Variants in ATP8A2 observed in about 807,000 individuals in gnomAD.
The protein encoded by ATP8A2 is ATPase phospholipid transporting 8A2.
In ATP8A2, 100 loss-of-function variants were observed where a neutral mutation model predicts 165.6. That is an observed-to-expected ratio of 0.60 (90% CI 0.51 to 0.71). The LOEUF is 0.71. ATP8A2 is among the 30% of genes least tolerant of loss of function. The pLI is 0.00. For synonymous variants in ATP8A2, 543 were observed against 548.8 expected, an observed-to-expected ratio of 0.99 and a Z score of 0.15; for missense variants, 1,227 against 1,479.5, an observed-to-expected ratio of 0.83 and a Z score of 2.80.
intron 1 of ATP8A2, among the ~76,000 whole-genome samples, chr13:25,401,702 G>T (rs1447904715): frequency 1.3e-5 from 2 of 152,112 alleles, no homozygotes; most frequent in Non-Finnish European, 2.9e-5. Context: ...GGAAACCTCG[G>T]ATGGTACCGA....
In ATP8A2 at chr13:25,508,587, A is replaced by T. The variant is rs1167324395; in HGVS notation, c.222-21412A>T. 3.3e-5 allele frequency among the ~76,000 whole-genome samples: 5 copies of T among 152,370 alleles called. No individual in the cohort carries two copies. In the East Asian group the frequency reaches 9.6e-4, roughly 29 times the overall value. On this transcript the variant is annotated intron_variant, in intron 2 of 36. Transcript: ENST00000381655. ...TGGCATAATGTCTCATACTTGTGGA[A>T]CTTTGGCAACCCTCTGATTATGTGT... is the stretch of plus-strand genomic sequence containing the variant.
At chr13:25,930,051 C>T (rs1432906028) in intron 33 of ATP8A2, among the ~76,000 whole-genome samples, 1 of 152,102 alleles carries the variant, frequency 6.6e-6, no homozygotes, top group Non-Finnish European at 1.5e-5. Flanking sequence ...CCTTGCACAA[C>T]GTGGGGCTTT....
chr13:25,635,984 G>A (rs1471070701), intron 24 of ATP8A2, among the ~76,000 whole-genome samples: 1 of 152,180 alleles, frequency 6.6e-6, no homozygotes, highest in Non-Finnish European at 1.5e-5. Flanking sequence ...TTCAAGTCCA[G>A]ATTTGCATGC....
At chr13:25,674,627 A>G (rs1176983222) in intron 24 of ATP8A2, among the ~76,000 whole-genome samples, 1 of 152,210 alleles carries the variant, frequency 6.6e-6, no homozygotes, top group Non-Finnish European at 1.5e-5. Flanking sequence ...AGAGCATAAA[A>G]TTCCCATCAG....
intron 24 of ATP8A2, among the ~76,000 whole-genome samples, chr13:25,673,249 C>T (rs895893734): frequency 4.6e-5 from 7 of 152,152 alleles, no homozygotes; most frequent in Non-Finnish European, 1.0e-4. Context: ...GTTCTGCAGA[C>T]ACTATAACAG....
At chr13:25,592,281 G>T (rs976061287) in intron 24 of ATP8A2, among the ~76,000 whole-genome samples, 5 of 150,122 alleles carry the variant, frequency 3.3e-5, no homozygotes, top group African/African-American at 1.3e-4. Flanking sequence ...AAGGTCCATG[G>T]TTAAAAACCT....
At chr13:25,373,990 C>A (rs1308203734) in intron 1 of ATP8A2, among the ~76,000 whole-genome samples, 1 of 152,120 alleles carries the variant, frequency 6.6e-6, no homozygotes, top group East Asian at 1.9e-4. Context: ...GAACAAGGGG[C>A]CCACCTTTTC....
chr13:25,660,019 T>C (rs1200783869), intron 24 of ATP8A2, among the ~76,000 whole-genome samples: 1 of 152,232 alleles, frequency 6.6e-6, no homozygotes, highest in African/African-American at 2.4e-5. Flanking sequence ...TTTCTATTAG[T>C]AATAGTACAC....
intron 1 of ATP8A2, among the ~76,000 whole-genome samples, chr13:25,422,527 A>G (rs2034330315): frequency 6.6e-6 from 1 of 152,230 alleles, no homozygotes; most frequent in Non-Finnish European, 1.5e-5. Context: ...TTAAAAAATT[A>G]CCAAAAGATA....
chr13:25,640,883 G>A (rs942651045), intron 24 of ATP8A2, among the ~76,000 whole-genome samples: 2 of 152,160 alleles, frequency 1.3e-5, no homozygotes, highest in Non-Finnish European at 2.9e-5. Flanking sequence ...AAATTTAGCA[G>A]CACCTGAAAA....
At chr13:25,530,434 T>C in intron 3 of ATP8A2, 128 bp from the exon 4 acceptor site, 1 of 664,030 alleles carries the variant, frequency 1.5e-6, no homozygotes, top group Non-Finnish European at 2.7e-6. Context: ...AGTAAGGTAA[T>C]TATTTTTGAG....
chr13:25,875,648 T>C (rs761752387), intron 33 of ATP8A2, among the ~76,000 whole-genome samples: 4 of 149,938 alleles, frequency 2.7e-5, no homozygotes, highest in Admixed American at 6.6e-5. Flanking sequence ...CCACAAACCA[T>C]ATATTTTTTT....
chr13:25,556,777 A>T (rs767970519), intron 13 of ATP8A2, among the ~76,000 whole-genome samples: 1 of 152,196 alleles, frequency 6.6e-6, no homozygotes, highest in Non-Finnish European at 1.5e-5. Flanking sequence ...GGAGTAACTT[A>T]TCGAAGGACA....
In ATP8A2 at chr13:25,533,180, TA is replaced by T. The variant is rs2038170629; in HGVS notation, c.467-90del. On this transcript the variant is annotated intron_variant, in intron 5 of 36. Coordinates refer to ENST00000381655, the MANE Select transcript of ATP8A2 (RefSeq NM_016529.6). Reference sequence around the variant, plus strand: ...TAAAGATAGGGTATGTTAGAATTAATAAATGGAATTCTAAAAGAAAGCTTTT... The same window carrying T: ...TAAAGATAGGGTATGTTAGAATTAATAATGGAATTCTAAAAGAAAGCTTTT... The T allele has an allele frequency of 4.2e-6, 3 of 722,026 alleles. No individual in the cohort carries two copies. In the East Asian group the frequency reaches 8.0e-5, roughly 19 times the overall value. 44.7% of individuals were successfully genotyped at this position (722,026 alleles called of 1,614,324 possible).
At chr13:25,385,396 C>T (rs1357388831) in intron 1 of ATP8A2, among the ~76,000 whole-genome samples, 1 of 152,152 alleles carries the variant, frequency 6.6e-6, no homozygotes, top group Non-Finnish European at 1.5e-5. Context: ...CTTTCCTCCT[C>T]TATAAAATGT....
At chr13:25,856,673 C>A (rs144839534) in intron 30 of ATP8A2, among the ~76,000 whole-genome samples, 1 of 152,222 alleles carries the variant, frequency 6.6e-6, no homozygotes, top group African/African-American at 2.4e-5. Context: ...GTTATGCAAC[C>A]ATCACCACTA....
At position 26,019,883 on chromosome 13, in the gene ATP8A2, T is replaced by G. The variant is rs1489621232; in HGVS notation, c.3470-5T>G. 1 of 1,610,370 alleles carries G rather than the reference T, an allele frequency of 6.2e-7. No homozygotes were observed. The highest frequency in any genetic ancestry group is 2.2e-5 in the East Asian group (1 of 44,864). ...ACCAGTTTCTCCTGTGTGCTTCACT[T>G]TCAGATGGGTATGCTTTTTCTCAAG... On this transcript the variant is annotated splice_polypyrimidine_tract_variant and splice_region_variant and intron_variant, in intron 36 of 36. Coordinates refer to ENST00000381655, the MANE Select transcript of ATP8A2 (RefSeq NM_016529.6).
intron 35 of ATP8A2, among the ~76,000 whole-genome samples, chr13:25,988,193 C>T (rs1398296885): frequency 6.6e-6 from 1 of 152,248 alleles, no homozygotes; most frequent in Non-Finnish European, 1.5e-5. Flanking sequence ...TCCAGCTGAG[C>T]ATGCATGCCA....
At chr13:25,600,194 A>C (rs1240001263) in intron 24 of ATP8A2, among the ~76,000 whole-genome samples, 1 of 152,230 alleles carries the variant, frequency 6.6e-6, no homozygotes, top group Non-Finnish European at 1.5e-5. Context: ...TTGAACACAG[A>C]CATCCCCAAG....
Sources: allele counts gnomAD v4.1 joint callset (sites outside exome capture counted in the v4.1 genomes callset), GRCh38; gene constraint gnomAD v4.1.1; transcripts MANE v1.5; gene names NCBI Gene and HGNC (gene_info 2026-07-23, HGNC 2026-07-21).